CNTN4: variants seen among roughly 807,000 people sequenced by gnomAD.
CNTN4 encodes contactin 4.
A neutral mutation model predicts 122.5 loss-of-function variants in CNTN4; 77 were observed. The observed-to-expected ratio is 0.63, with a 90% CI of 0.52 to 0.76. The LOEUF (loss-of-function observed/expected upper bound fraction) is 0.76. Among genes scored for constraint, CNTN4 ranks in the 30% least tolerant of loss-of-function variants. The probability of loss-of-function intolerance (pLI) is 0.00; values close to 1 mark genes in which losing one functional copy is unlikely to be tolerated. For missense variants in CNTN4, 1,256 were observed against 1,259.1 expected, an observed-to-expected ratio of 1.00 and a Z score of 0.04; for synonymous variants, 512 against 447.0, an observed-to-expected ratio of 1.15 and a Z score of -1.83.
rs370309630 is a variant in CNTN4 at position 2,548,737 on chromosome 3, A to T, written c.-88-22679A>T. ...GAAAGTCAATGGTAGCTTGATGGGGATAGCATTGAGTCTATAAATTACTTT... is the reference window on the plus strand; with the variant it reads ...GAAAGTCAATGGTAGCTTGATGGGGTTAGCATTGAGTCTATAAATTACTTT... On this transcript the variant is annotated intron_variant, in intron 3 of 24. Coordinates refer to ENST00000418658, the MANE Select transcript of CNTN4 (RefSeq NM_175607.3). Among the ~76,000 whole-genome samples, 18 of 152,208 alleles carry T rather than the reference A, an allele frequency of 1.2e-4. No individual in the cohort carries two copies. In the East Asian group the frequency reaches 2.9e-3, roughly 24 times the overall value.
chr3:2,124,829 A>G (rs557275548), intron 2 of CNTN4, among the ~76,000 whole-genome samples: 60 of 152,372 alleles, frequency 3.9e-4, no homozygotes, highest in African/African-American at 1.4e-3. Context: ...AAATCTACAC[A>G]GATTTAATGT....
chr3:2,791,892 T>C (rs1021261982), intron 6 of CNTN4, among the ~76,000 whole-genome samples: 2 of 152,080 alleles, frequency 1.3e-5, no homozygotes, highest in Non-Finnish European at 2.9e-5. Context: ...GTCTGTCTAA[T>C]CTCCCTCTGC....
chr3:2,724,907 G>A (rs1341685038), intron 4 of CNTN4, among the ~76,000 whole-genome samples: 2 of 151,954 alleles, frequency 1.3e-5, no homozygotes, highest in African/African-American at 2.4e-5. Context: ...TGGCTCTTGG[G>A]AGCGTTGGAG....
intron 3 of CNTN4, among the ~76,000 whole-genome samples, chr3:2,379,792 C>T (rs973257971): frequency 5.3e-5 from 8 of 152,060 alleles, no homozygotes; most frequent in South Asian, 2.1e-4. Flanking sequence ...CGGTGGCTCA[C>T]GCCTGTAATC....
intron 14 of CNTN4, among the ~76,000 whole-genome samples, chr3:2,994,226 A>ATTT (rs5846234): frequency 7.2e-4 from 109 of 151,370 alleles, no homozygotes; most frequent in African/African-American, 2.5e-3. Context: ...TCTAATAGCA[A>ATTT]TTTTTTTTTA....
chr3:2,515,336 T>C (rs1184188981), intron 3 of CNTN4, among the ~76,000 whole-genome samples: 1 of 152,174 alleles, frequency 6.6e-6, no homozygotes, highest in Non-Finnish European at 1.5e-5. Context: ...CTTAATGTAT[T>C]AAGCTAACAA....
At chr3:2,469,922 T>G (rs2075627498) in intron 3 of CNTN4, among the ~76,000 whole-genome samples, 1 of 152,218 alleles carries the variant, frequency 6.6e-6, no homozygotes, top group Non-Finnish European at 1.5e-5. Context: ...TGTATTAGTG[T>G]TTATATGTGA....
intron 2 of CNTN4, among the ~76,000 whole-genome samples, chr3:2,114,192 C>T (rs2033175405): frequency 6.6e-6 from 1 of 152,062 alleles, no homozygotes; most frequent in African/African-American, 2.4e-5. Context: ...GTGGCTCACA[C>T]CTGTAATCCC....
rs189995224 is a variant in CNTN4, at chr3:3,011,220, C to T, written c.1487-14882C>T. Among the ~76,000 whole-genome samples the T allele has an allele frequency of 2.9e-3, 442 of 152,266 alleles. 2 individuals are homozygous for T. The highest frequency in any genetic ancestry group is 9.6e-3 in the African/African-American group (400 of 41,576). ...CCAGATACTTCTCAGCTAAGCTTTT[C>T]TCAGACCTTTCATGTCCCTCAATAA... On this transcript the variant is annotated intron_variant, in intron 14 of 24. Coordinates refer to ENST00000418658, the MANE Select transcript of CNTN4 (RefSeq NM_175607.3).
chr3:2,309,117 C>T (rs2042823365), intron 2 of CNTN4, among the ~76,000 whole-genome samples: 1 of 151,952 alleles, frequency 6.6e-6, no homozygotes. Flanking sequence ...TATCAGTTTC[C>T]CTTCCTCTAT....
intron 7 of CNTN4, among the ~76,000 whole-genome samples, chr3:2,825,264 C>T (rs1055538559): frequency 3.9e-5 from 6 of 151,986 alleles, no homozygotes; most frequent in South Asian, 2.1e-4. Context: ...CTCGCTCTGT[C>T]GCCCAGGCTA....
Position 2,366,913 on chromosome 3 carries a change from C to G in CNTN4, c.-89+27680C>G, listed in dbSNP as rs1575472892. ...AGAATACCACGTTTAATATGTTGCA[C>G]TCTAACAATTTTAACTAAAAATATT... On this transcript the variant is annotated intron_variant, in intron 3 of 24. Transcript: ENST00000418658. Among the ~76,000 whole-genome samples, 4 of 152,216 alleles carry G rather than the reference C, an allele frequency of 2.6e-5. No homozygotes were observed. In the South Asian group the frequency reaches 8.3e-4, roughly 32 times the overall value.
At chr3:2,441,429 C>T (rs1424577785) in intron 3 of CNTN4, among the ~76,000 whole-genome samples, 1 of 152,072 alleles carries the variant, frequency 6.6e-6, no homozygotes, top group East Asian at 1.9e-4. Flanking sequence ...CTATATTTCC[C>T]AATATTATCT....
chr3:2,259,521 A>G (rs994885277), intron 2 of CNTN4, among the ~76,000 whole-genome samples: 1 of 152,172 alleles, frequency 6.6e-6, no homozygotes, highest in Admixed American at 6.5e-5. Flanking sequence ...AAAGCGGTTT[A>G]ATGGACTCAC....
chr3:3,032,974 T>TC (rs1699303130), intron 16 of CNTN4, among the ~76,000 whole-genome samples: 1 of 152,174 alleles, frequency 6.6e-6, no homozygotes, highest in African/African-American at 2.4e-5. Context: ...GAAACTACCA[T>TC]CTTCTCTCCA....
intron 3 of CNTN4, among the ~76,000 whole-genome samples, chr3:2,505,848 G>A (rs1273205293): frequency 2.6e-5 from 4 of 152,114 alleles, no homozygotes; most frequent in Admixed American, 6.5e-5. Flanking sequence ...TCTGATTTAC[G>A]TGTGTTCTAA....
intron 2 of CNTN4, among the ~76,000 whole-genome samples, chr3:2,325,646 G>A (rs1326809053): frequency 6.6e-6 from 1 of 152,054 alleles, no homozygotes; most frequent in East Asian, 1.9e-4. Context: ...GTATTTAGAT[G>A]TCTCTTTGCT....
intron 3 of CNTN4, among the ~76,000 whole-genome samples, chr3:2,558,859 C>T (rs2078830304): frequency 6.6e-6 from 1 of 152,114 alleles, no homozygotes; most frequent in African/African-American, 2.4e-5. Context: ...TGCAAATGAT[C>T]ACTCTATCTC....
At chr3:2,253,845 C>A (rs930510668) in intron 2 of CNTN4, among the ~76,000 whole-genome samples, 1 of 149,974 alleles carries the variant, frequency 6.7e-6, no homozygotes, top group Non-Finnish European at 1.5e-5. Flanking sequence ...ACTATTTCTG[C>A]ATAGTTGATA....
Sources: allele counts gnomAD v4.1 joint callset (sites outside exome capture counted in the v4.1 genomes callset), GRCh38; gene constraint gnomAD v4.1.1; transcripts MANE v1.5; gene names NCBI Gene and HGNC (gene_info 2026-07-23, HGNC 2026-07-21).